Variants in SMAP1 observed in about 807,000 individuals in gnomAD.
The protein encoded by SMAP1 is stromal membrane-associated protein 1.
SMAP1 carries 24 observed loss-of-function variants against 58.5 expected under a neutral mutation model. That is an observed-to-expected ratio of 0.41 (90% CI 0.30 to 0.58). SMAP1 has a LOEUF of 0.58. Ranked by LOEUF, SMAP1 falls within the 20% of genes least tolerant of loss-of-function variation. The pLI is 0.29. For synonymous variants in SMAP1, 216 were observed against 196.6 expected (o/e 1.10, Z -0.82); for missense variants, 563 against 566.3 (o/e 0.99, Z 0.06).
intron 1 of SMAP1, among the ~76,000 whole-genome samples, chr6:70,674,441 A>G (rs965855179): frequency 3.5e-4 from 53 of 152,232 alleles, no homozygotes; most frequent in African/African-American, 1.3e-3. Flanking sequence ...CGCTTCTACT[A>G]ATCGTCTTTT....
intron 6 of SMAP1, among the ~76,000 whole-genome samples, chr6:70,822,380 G>A (rs549306710): frequency 1.3e-5 from 2 of 152,072 alleles, no homozygotes; most frequent in South Asian, 4.2e-4. Context: ...GAACCTGAGA[G>A]ACAGAAGTTT....
chr6:70,755,339 G>A (rs1766443032), intron 3 of SMAP1, among the ~76,000 whole-genome samples: 1 of 151,918 alleles, frequency 6.6e-6, no homozygotes, highest in African/African-American at 2.4e-5. Flanking sequence ...TTTGACTTAC[G>A]ATTTTTCCAC....
chr6:70,830,810 T>C (rs62419727), intron 6 of SMAP1, among the ~76,000 whole-genome samples: 7,837 of 152,266 alleles, frequency 0.051, 279 homozygotes, highest in Middle Eastern at 0.082. Flanking sequence ...CATTGGTGAT[T>C]TATATTGTAA....
At chr6:70,749,773 A>G (rs1766201146) in intron 2 of SMAP1, among the ~76,000 whole-genome samples, 1 of 152,206 alleles carries the variant, frequency 6.6e-6, no homozygotes. Context: ...TACAGGGGTA[A>G]GAAGAAGATA....
At chr6:70,695,670 G>T (rs1394005663) in intron 1 of SMAP1, among the ~76,000 whole-genome samples, 1 of 152,124 alleles carries the variant, frequency 6.6e-6, no homozygotes, top group African/African-American at 2.4e-5. Flanking sequence ...TTAATATGTT[G>T]TTTAATTTGA....
intron 6 of SMAP1, among the ~76,000 whole-genome samples, chr6:70,817,969 A>G (rs1238679774): frequency 6.6e-6 from 1 of 152,216 alleles, no homozygotes; most frequent in African/African-American, 2.4e-5. Flanking sequence ...AAAATAGCCA[A>G]CAATGACCTT....
At chr6:70,818,922 G>C (rs1239403983) in intron 6 of SMAP1, among the ~76,000 whole-genome samples, 1 of 151,444 alleles carries the variant, frequency 6.6e-6, no homozygotes, top group Admixed American at 6.6e-5. Flanking sequence ...GTATAGTTCA[G>C]TGGCTTCTCT....
rs756137778 is a variant in SMAP1 at position 70,852,613 on chromosome 6, T to C, written c.738T>C (p.Phe246=). 1.2e-6 allele frequency: 2 copies of C among 1,610,788 alleles called. No individual in the cohort carries two copies. The highest frequency in any genetic ancestry group is 1.7e-6 in the Non-Finnish European group (2 of 1,178,338). The change falls in exon 8 of 11, where the codon TTT becomes TTC. Residue 246 remains phenylalanine, a synonymous_variant. Coordinates refer to ENST00000370455, the MANE Select transcript of SMAP1 (RefSeq NM_001044305.3). ...CCCTGAACGATGATCTGGACATCTTTGGACCGATGATTTCTAATCCCTTAC... is the reference window on the plus strand; with the variant it reads ...CCCTGAACGATGATCTGGACATCTTCGGACCGATGATTTCTAATCCCTTAC... ...VPPLNDDLDI[F]GPMISNPLPA...
At chr6:70,828,844 A>G (rs1770244805) in intron 6 of SMAP1, among the ~76,000 whole-genome samples, 1 of 152,164 alleles carries the variant, frequency 6.6e-6, no homozygotes. Context: ...ACTGTACTCC[A>G]GCCTGGGCAA....
chr6:70,843,472 TAGAAG>T (rs1357053001), intron 7 of SMAP1, among the ~76,000 whole-genome samples: 5 of 152,186 alleles, frequency 3.3e-5, no homozygotes, highest in Admixed American at 1.3e-4. Flanking sequence ...TTCGCTTTTA[TAGAAG>T]AGAAAACTGA....
At chr6:70,797,255 G>A (rs554939542) in intron 5 of SMAP1, among the ~76,000 whole-genome samples, 170 of 152,100 alleles carry the variant, frequency 1.1e-3, no homozygotes, top group African/African-American at 3.9e-3. Flanking sequence ...TGCCATATTT[G>A]TGTAGTGCTT....
At chr6:70,704,465 AT>A (rs1235392678) in intron 1 of SMAP1, among the ~76,000 whole-genome samples, 3 of 152,184 alleles carry the variant, frequency 2.0e-5, no homozygotes, top group Admixed American at 6.5e-5. Flanking sequence ...TTCAAGTCAA[AT>A]TAAAATGGTT....
chr6:70,835,102 AT>A (rs1315644822), intron 6 of SMAP1, among the ~76,000 whole-genome samples: 1 of 140,972 alleles, frequency 7.1e-6, no homozygotes, highest in Non-Finnish European at 1.6e-5. Flanking sequence ...AAAAAAAAAA[AT>A]TAGCCGGGTG....
intron 6 of SMAP1, among the ~76,000 whole-genome samples, chr6:70,820,743 AT>A (rs1386328995): frequency 6.6e-6 from 1 of 152,044 alleles, no homozygotes; most frequent in Non-Finnish European, 1.5e-5. Context: ...GTTCAAGATA[AT>A]TTGATCAAGT....
chr6:70,800,798 A>C (rs1166855036), intron 6 of SMAP1, among the ~76,000 whole-genome samples: 2 of 151,916 alleles, frequency 1.3e-5, no homozygotes, highest in African/African-American at 4.8e-5. Flanking sequence ...TAGTTTGCTG[A>C]GAATGATGGT....
intron 1 of SMAP1, among the ~76,000 whole-genome samples, chr6:70,694,852 T>A (rs990175702): frequency 1.3e-5 from 2 of 152,236 alleles, no homozygotes; most frequent in Non-Finnish European, 2.9e-5. Context: ...TTGAAATTAT[T>A]TAACTGCTTG....
At chr6:70,710,209 C>T (rs547377509) in intron 1 of SMAP1, among the ~76,000 whole-genome samples, 1 of 152,114 alleles carries the variant, frequency 6.6e-6, no homozygotes, top group South Asian at 2.1e-4. Flanking sequence ...AGATAAAAAA[C>T]AGGCTGGGTG....
At chr6:70,819,943 C>T (rs1027791639) in intron 6 of SMAP1, among the ~76,000 whole-genome samples, 2 of 152,292 alleles carry the variant, frequency 1.3e-5, no homozygotes, top group Admixed American at 1.3e-4. Context: ...ATTCTATTTC[C>T]TGCCCATAAG....
intron 1 of SMAP1, among the ~76,000 whole-genome samples, chr6:70,702,254 GTT>G (rs1014714429): frequency 7.0e-6 from 1 of 143,200 alleles, no homozygotes; most frequent in Non-Finnish European, 1.5e-5. Context: ...TGGGTTTATA[GTT>G]TTCAATGCAT....
Sources: gnomAD v4.1 joint callset for allele counts (sites outside exome capture counted in the v4.1 genomes callset) on GRCh38, gnomAD v4.1.1 for gene constraint, MANE v1.5 for transcripts, NCBI Gene and HGNC (gene_info 2026-07-23, HGNC 2026-07-21) for gene names.